The following CELF4 variants were observed in gnomAD, a reference collection of about 807,000 sequenced individuals.
CELF4 encodes the protein CUG-BP- and ETR-3-like factor 4.
CELF4 carries 18 observed loss-of-function variants against 59.9 expected under a neutral mutation model. The observed-to-expected ratio is 0.30, with a 90% CI of 0.21 to 0.45. CELF4 has a LOEUF of 0.45. Among genes scored for constraint, CELF4 ranks in the 20% least tolerant of loss-of-function variants. The pLI is 1.00. For missense variants in CELF4, 456 were observed against 689.0 expected (o/e 0.66, Z 3.79); for synonymous variants, 261 against 267.1 (o/e 0.98, Z 0.22).
chr18:37,464,640 C>T (rs2099802973), intron 2 of CELF4, among the ~76,000 whole-genome samples: 1 of 152,148 alleles, frequency 6.6e-6, no homozygotes, highest in Admixed American at 6.5e-5. Flanking sequence ...GGCTGAGAAT[C>T]ACAGCCTTTG....
intron 2 of CELF4, among the ~76,000 whole-genome samples, chr18:37,378,135 A>G (rs974044365): frequency 4.6e-5 from 7 of 151,946 alleles, no homozygotes; most frequent in African/African-American, 1.7e-4. Flanking sequence ...CCACAGGTTG[A>G]CCCTCTCCCC....
At chr18:37,507,703 C>T (rs999732006) in intron 1 of CELF4, among the ~76,000 whole-genome samples, 1 of 152,218 alleles carries the variant, frequency 6.6e-6, no homozygotes, top group Admixed American at 6.5e-5. Flanking sequence ...GGCTGCTTGT[C>T]CCCTACTTCA....
chr18:37,435,094 C>T (rs748706220), intron 2 of CELF4, among the ~76,000 whole-genome samples: 6 of 152,120 alleles, frequency 3.9e-5, no homozygotes, highest in Non-Finnish European at 8.8e-5. Context: ...CCTGGGTTCC[C>T]CTTTGGGGGT....
At chr18:37,383,876 C>A (rs941498295) in intron 2 of CELF4, among the ~76,000 whole-genome samples, 1 of 152,194 alleles carries the variant, frequency 6.6e-6, no homozygotes, top group Non-Finnish European at 1.5e-5. Flanking sequence ...AGGCGGCAGA[C>A]CCTCAGCGAT....
intron 2 of CELF4, among the ~76,000 whole-genome samples, chr18:37,447,360 G>A (rs2099750978): frequency 6.6e-6 from 1 of 152,218 alleles, no homozygotes; most frequent in South Asian, 2.1e-4. Context: ...CCCTGGGAAG[G>A]GCTTCAGGTG....
chr18:37,503,005 G>A (rs1301250370), intron 1 of CELF4, among the ~76,000 whole-genome samples: 2 of 152,206 alleles, frequency 1.3e-5, no homozygotes, highest in Non-Finnish European at 2.9e-5. Flanking sequence ...CAGGTCGGGT[G>A]GGTGCATCAT....
intron 1 of CELF4, among the ~76,000 whole-genome samples, chr18:37,491,822 G>C (rs1414087880): frequency 6.6e-6 from 1 of 152,208 alleles, no homozygotes. Context: ...CCAAGAAGGT[G>C]GGCGGTGCCC....
At chr18:37,423,087 C>CAGAG (rs138618926) in intron 2 of CELF4, among the ~76,000 whole-genome samples, 3,713 of 150,274 alleles carry the variant, frequency 0.025, 122 homozygotes, top group African/African-American at 0.071. Flanking sequence ...CACACAGAGA[C>CAGAG]AGAGAGAGAG....
chr18:37,267,952 ACTTGAACCCGGGAGGCGGAG>A (rs1445102816), intron 8 of CELF4, among the ~76,000 whole-genome samples: 3 of 152,124 alleles, frequency 2.0e-5, no homozygotes, highest in Non-Finnish European at 2.9e-5. Context: ...CAGGAGAATC[ACTTGAACCCGGGAGGCGGAG>A]GTTGCAGTGA....
At chr18:37,376,239 C>T (rs554377067) in intron 2 of CELF4, among the ~76,000 whole-genome samples, 32 of 152,260 alleles carry the variant, frequency 2.1e-4, no homozygotes, top group African/African-American at 7.5e-4. Context: ...AGGCCATGTC[C>T]CTTTTGGGCC....
chr18:37,323,346 A>G (rs2097189870), intron 2 of CELF4, among the ~76,000 whole-genome samples: 1 of 152,106 alleles, frequency 6.6e-6, no homozygotes, highest in Non-Finnish European at 1.5e-5. Flanking sequence ...GTTGAGGGGA[A>G]GCAAGATACT....
At chr18:37,555,625 GT>G (rs1467266125) in intron 1 of CELF4, among the ~76,000 whole-genome samples, 2 of 152,128 alleles carry the variant, frequency 1.3e-5, no homozygotes, top group Non-Finnish European at 2.9e-5. Flanking sequence ...ACAGTTTCTG[GT>G]TATATTGGTC....
chr18:37,275,312 A>AG (rs1185049578), intron 3 of CELF4, 69 bp from the exon 4 acceptor site: 6 of 1,204,668 alleles, frequency 5.0e-6, no homozygotes, highest in Non-Finnish European at 6.4e-6. Flanking sequence ...GCAAGGCCGG[A>AG]GGGGGAGAGC....
chr18:37,339,517 G>A (rs1006149481), intron 2 of CELF4, among the ~76,000 whole-genome samples: 10 of 152,328 alleles, frequency 6.6e-5, no homozygotes, highest in South Asian at 2.1e-4. Flanking sequence ...ACTTTGGGAG[G>A]CTGAGGCAGG....
chr18:37,557,106 C>A (rs1369025144), intron 1 of CELF4, among the ~76,000 whole-genome samples: 2 of 152,200 alleles, frequency 1.3e-5, no homozygotes, highest in East Asian at 3.9e-4. Context: ...TGAAATACGA[C>A]AGTAGCACAG....
chr18:37,424,704 C>T (rs1398419889), intron 2 of CELF4, among the ~76,000 whole-genome samples: 1 of 152,130 alleles, frequency 6.6e-6, no homozygotes, highest in East Asian at 1.9e-4. Context: ...CCTGCAGGTT[C>T]CCCAGCTACG....
Position 37,259,274 on chromosome 18 carries a change from GGGGAGGGGGT to G in CELF4, c.1250-20_1250-11del. On this transcript the variant is annotated splice_polypyrimidine_tract_variant and intron_variant, in intron 10 of 12. Coordinates refer to ENST00000420428, the MANE Select transcript of CELF4 (RefSeq NM_020180.4). ...TTACAGCCCTCGGGCCCTGCGGTGA[GGGGAGGGGGT>G]GGGCGGGGGAGGAGGGATGGCAGGG... 3.6e-6 allele frequency: 5 copies of G among 1,378,646 alleles called. No homozygotes were observed. The highest frequency in any genetic ancestry group is 5.1e-6 in the Non-Finnish European group (5 of 974,986). 85.4% of individuals were successfully genotyped at this position (1,378,646 alleles called of 1,614,324 possible).
At chr18:37,384,076 TG>T (rs2099072192) in intron 2 of CELF4, among the ~76,000 whole-genome samples, 1 of 152,076 alleles carries the variant, frequency 6.6e-6, no homozygotes, top group Non-Finnish European at 1.5e-5. Context: ...ATTGGGAGAC[TG>T]GGCAGAGACG....
intron 9 of CELF4, chr18:37,266,155 T>G: frequency 2.7e-6 from 1 of 368,634 alleles, no homozygotes; most frequent in Non-Finnish European, 5.1e-6. Flanking sequence ...CTGTGGCCCA[T>G]GGTGGGCAGC....
Sources: gnomAD v4.1 joint callset for allele counts (sites outside exome capture counted in the v4.1 genomes callset) on GRCh38, gnomAD v4.1.1 for gene constraint, MANE v1.5 for transcripts, NCBI Gene and HGNC (gene_info 2026-07-23, HGNC 2026-07-21) for gene names.